Variants in TRIOBP observed in about 807,000 individuals in gnomAD.
The protein encoded by TRIOBP is TRIO and F-actin-binding protein.
Under a neutral mutation model 238.8 loss-of-function variants are expected in TRIOBP, and 169 were observed. The ratio of observed to expected loss-of-function variants is 0.71; its 90% CI spans 0.62 to 0.80. The LOEUF (loss-of-function observed/expected upper bound fraction) is 0.80. Among genes scored for constraint, TRIOBP ranks in the 30% least tolerant of loss-of-function variants. TRIOBP has a pLI of 0.00. For missense variants in TRIOBP, 2,838 were observed against 3,122.6 expected (o/e 0.91, Z 2.17); for synonymous variants, 1,150 against 1,274.4 (o/e 0.90, Z 2.08).
At chr22:37,760,583 T>C (rs1926191920) in intron 17 of TRIOBP, among the ~76,000 whole-genome samples, 1 of 152,200 alleles carries the variant, frequency 6.6e-6, no homozygotes, top group East Asian at 1.9e-4. Context: ...TTAAAGTATA[T>C]AAATTTAATT....
At chr22:37,704,528 G>A (rs1415388841) in intron 3 of TRIOBP, among the ~76,000 whole-genome samples, 2 of 151,780 alleles carry the variant, frequency 1.3e-5, no homozygotes, top group African/African-American at 4.8e-5. Flanking sequence ...ACACATCCCT[G>A]GCTTGTCTTC....
At position 37,725,496 on chromosome 22, in the gene TRIOBP, C is replaced by G; in HGVS notation, c.2940C>G (p.Ser980=). Residue 980 remains serine (S), a synonymous_variant, in exon 7 of 24, where the codon TCC becomes TCG. Transcript: ENST00000644935. ...YNLPSRATSS[S]HNPGHQSTSR... ...TGCCATCCCGGGCCACCTCTTCCTC[C>G]CATAACCCAGGCCACCAGAGCACCT... 6.2e-7 allele frequency: 1 copy of G among 1,613,608 alleles called. No homozygotes were observed.
At chr22:37,706,693 C>G (rs1290805548) in intron 3 of TRIOBP, among the ~76,000 whole-genome samples, 1 of 150,870 alleles carries the variant, frequency 6.6e-6, no homozygotes, top group Non-Finnish European at 1.5e-5. Flanking sequence ...GAGGCTGAGG[C>G]AGGAGGATTG....
chr22:37,728,180 G>A (rs1261309745), intron 7 of TRIOBP, among the ~76,000 whole-genome samples: 2 of 147,862 alleles, frequency 1.4e-5, no homozygotes, highest in African/African-American at 5.0e-5. Flanking sequence ...GCTCCCTCCT[G>A]TAATCCCAGC....
Position 37,735,238 on chromosome 22 carries a change from C to T in TRIOBP, c.4902C>T (p.Ala1634=), listed in dbSNP as rs1377105270. Residue 1634 remains alanine (A), a synonymous_variant, in exon 9 of 24, where the codon GCC becomes GCT. Transcript: ENST00000644935. ...CACACAGCCAGCCAGAAGGCTGGGCCGAGGCCACCCCAGTCAATGGACACA... is the reference window on the plus strand; with the variant it reads ...CACACAGCCAGCCAGAAGGCTGGGCTGAGGCCACCCCAGTCAATGGACACA... ...QESHSQPEGW[A]EATPVNGHSP... is the part of the protein sequence containing the mutation. 3.1e-5 allele frequency: 49 copies of T among 1,604,394 alleles called. No individual in the cohort carries two copies. The East Asian group carries it at 5.4e-4, about 18-fold the overall frequency.
chr22:37,762,035 C>T (rs1926273123), intron 17 of TRIOBP, among the ~76,000 whole-genome samples: 1 of 152,158 alleles, frequency 6.6e-6, no homozygotes, highest in South Asian at 2.1e-4. Flanking sequence ...TCGTACCCAC[C>T]TATAATCAGA....
At chr22:37,719,989 C>CACACTGCACTCACTGTTT (rs367687004) in intron 6 of TRIOBP, among the ~76,000 whole-genome samples, 45 of 71,232 alleles carry the variant, frequency 6.3e-4, no homozygotes, top group South Asian at 1.3e-3. Flanking sequence ...TTTCACTCAT[C>CACACTGCACTCACTGTTT]CCCCCCCGCC....
chr22:37,734,373 C>T (rs1469488587), intron 8 of TRIOBP, 26 bp from the exon 9 acceptor site: 1 of 1,605,910 alleles, frequency 6.2e-7, no homozygotes. Context: ...GAGAGAGCCT[C>T]ACCTACCCCC....
Position 37,733,415 on chromosome 22 carries a change from G to A in TRIOBP, c.4062+3G>A. 6.5e-7 allele frequency: 1 copy of A among 1,549,392 alleles called. No homozygotes were observed. The highest frequency in any genetic ancestry group is 8.7e-7 in the Non-Finnish European group (1 of 1,145,932). ...CCAGCCCTGCCCCCAGCAGGCAGGT[G>A]AGCACTGCCAGCTGTCTGGGGCCCC... is the stretch of plus-strand genomic sequence containing the variant. On this transcript the variant is annotated splice_donor_region_variant and intron_variant, in intron 8 of 23. Coordinates refer to ENST00000644935, the MANE Select transcript of TRIOBP (RefSeq NM_001039141.3).
Position 37,725,078 on chromosome 22 carries a change from G to A in TRIOBP, c.2522G>A (p.Arg841Gln), listed in dbSNP as rs776467357. 1.1e-5 allele frequency: 18 copies of A among 1,613,926 alleles called. No homozygotes were observed. The South Asian group carries it at 1.2e-4, about 11-fold the overall frequency. Residue 841 changes from arginine (R) to glutamine (Q), a missense_variant, in exon 7 of 24, where the codon CGA (arginine) becomes CAA (glutamine). Transcript: ENST00000644935. ...QDNPKTSCTK[R>Q]DNLRPTCTQR... ...AACCCTAAAACCTCTTGTACCAAAC[G>A]AGATAACCTCAGACCCACTTGTACA...
intron 11 of TRIOBP, among the ~76,000 whole-genome samples, chr22:37,743,495 T>C (rs1471474919): frequency 1.3e-5 from 2 of 152,206 alleles, no homozygotes; most frequent in Non-Finnish European, 2.9e-5. Context: ...GGTGCATTCA[T>C]TCATTCGAGC....
intron 17 of TRIOBP, chr22:37,759,560 T>A (rs751561365): frequency 1.9e-6 from 3 of 1,596,900 alleles, no homozygotes; most frequent in Middle Eastern, 1.9e-4. Context: ...AGCCTGTGTG[T>A]GAGTCCCCGT....
rs542615276 is a variant in TRIOBP at position 37,744,098 on chromosome 22, T to C, written c.5322+3066T>C. ...ATCTTCACTCACCGCAACCTACGCC[T>C]CCCAGGTTCCAGCGATTCTCCTGCC... On this transcript the variant is annotated intron_variant, in intron 11 of 23. Coordinates refer to ENST00000644935, the MANE Select transcript of TRIOBP (RefSeq NM_001039141.3). Among the ~76,000 whole-genome samples the C allele has an allele frequency of 3.4e-5, 5 of 147,918 alleles. No homozygotes were observed. The South Asian group carries it at 1.1e-3, about 33-fold the overall frequency.
chr22:37,755,078 C>A, intron 13 of TRIOBP, 23 bp from the exon 14 acceptor site: 1 of 1,612,028 alleles, frequency 6.2e-7, no homozygotes, highest in South Asian at 1.1e-5. Flanking sequence ...CCACACGGAC[C>A]ATAGTGGGCC....
At chr22:37,763,365 G>A (rs940840807) in intron 17 of TRIOBP, among the ~76,000 whole-genome samples, 5 of 152,202 alleles carry the variant, frequency 3.3e-5, no homozygotes, top group Admixed American at 6.5e-5. Flanking sequence ...CCAAAGTCAT[G>A]TTCTGTTGTC....
At chr22:37,772,079 C>T (rs1277522970) in intron 22 of TRIOBP, among the ~76,000 whole-genome samples, 1 of 152,216 alleles carries the variant, frequency 6.6e-6, no homozygotes, top group Non-Finnish European at 1.5e-5. Flanking sequence ...GGGGAGCTTG[C>T]ACTCCAGTGA....
In TRIOBP at chr22:37,734,990, G is replaced by A; in HGVS notation, c.4654G>A (p.Glu1552Lys). 2.5e-6 allele frequency: 4 copies of A among 1,613,370 alleles called. No homozygotes were observed. The African/African-American group carries it at 4.0e-5, about 16-fold the overall frequency. ...AGCGTGTCCATACCCGCGTGGCTCTGAGAGGCGACCCGAGCTTGACTGGAG... is the reference window on the plus strand; with the variant it reads ...AGCGTGTCCATACCCGCGTGGCTCTAAGAGGCGACCCGAGCTTGACTGGAG... ...EGACPYPRGS[E>K]RRPELDWRDL... The change falls in exon 9 of 24, where the codon GAG (glutamate) becomes AAG (lysine). Residue 1552 changes from glutamate (E) to lysine (K), a missense_variant. By Grantham distance (56) the Glu-to-Lys change is moderately conservative. Transcript: ENST00000644935.
chr22:37,699,828 A>G (rs946320316), intron 2 of TRIOBP, among the ~76,000 whole-genome samples: 8 of 151,888 alleles, frequency 5.3e-5, no homozygotes, highest in African/African-American at 1.5e-4. Context: ...GGCGTGAGCC[A>G]CTGCGCCTGG....
At chr22:37,738,822 A>T in intron 10 of TRIOBP, 103 bp downstream of exon 10, 1 of 1,279,018 alleles carries the variant, frequency 7.8e-7, no homozygotes, top group South Asian at 1.2e-5. Flanking sequence ...CAACCAGACC[A>T]AAGTTGGCAT....
Sources: allele counts gnomAD v4.1 joint callset (sites outside exome capture counted in the v4.1 genomes callset), GRCh38; gene constraint gnomAD v4.1.1; transcripts MANE v1.5; gene names NCBI Gene and HGNC (gene_info 2026-07-23, HGNC 2026-07-21).